The following LRRC69 variants were observed in gnomAD, a reference collection of about 807,000 sequenced individuals.
The protein encoded by LRRC69 is leucine rich repeat containing 69.
LRRC69 carries 42 observed loss-of-function variants against 37.8 expected under a neutral mutation model. That is an observed-to-expected ratio of 1.11 (90% CI 0.87 to 1.44). LRRC69 has a LOEUF of 1.44. LRRC69 is among the 40% of genes most tolerant of loss of function. The probability of loss-of-function intolerance (pLI) is 0.00; values close to 1 mark genes in which losing one functional copy is unlikely to be tolerated. For synonymous variants in LRRC69, 141 were observed against 143.1 expected, an observed-to-expected ratio of 0.99 and a Z score of 0.11; for missense variants, 357 against 401.9, an observed-to-expected ratio of 0.89 and a Z score of 0.96.
intron 1 of LRRC69, 43 bp from the exon 2 acceptor site, chr8:91,124,450 G>T (rs1813683974): frequency 2.1e-6 from 3 of 1,416,966 alleles, no homozygotes; most frequent in Non-Finnish European, 9.3e-7. Flanking sequence ...TTCATTTGAA[G>T]TTGGATGATA....
Position 91,185,323 on chromosome 8 carries a change from G to GTGTC in LRRC69, c.652-4177_652-4174dup, listed in dbSNP as rs1554595214. 5.3e-3 allele frequency among the ~76,000 whole-genome samples: 800 copies of GTGTC among 151,566 alleles called. 3 individuals are homozygous for GTGTC. Among genetic ancestry groups the GTGTC allele is most frequent in the African/African-American group, 0.017 (716 of 41,282 alleles). The stretch of plus-strand genomic sequence containing the variant: ...CCTGACTAGAATGAGGAAGGTCTCA[G>GTGTC]TGTCTGTCTGTCTGTCTGTCTGTCT... On this transcript the variant is annotated intron_variant, in intron 5 of 7. Coordinates refer to ENST00000448384, the Ensembl canonical transcript of LRRC69.
intron 7 of LRRC69, among the ~76,000 whole-genome samples, chr8:91,209,225 G>T (rs187337216): frequency 7.9e-4 from 120 of 152,186 alleles, no homozygotes; most frequent in African/African-American, 2.6e-3. Flanking sequence ...TCAGGAATTT[G>T]AGACCAGCCT....
intron 1 of LRRC69, among the ~76,000 whole-genome samples, chr8:91,106,215 C>T (rs950728869): frequency 6.6e-6 from 1 of 151,898 alleles, no homozygotes; most frequent in African/African-American, 2.4e-5. Context: ...ATAGTCATAC[C>T]GTTTATCAGT....
chr8:91,166,872 A>G (rs1489802367), intron 5 of LRRC69, among the ~76,000 whole-genome samples: 1 of 151,906 alleles, frequency 6.6e-6, no homozygotes. Flanking sequence ...AAACGCTGTT[A>G]TTTAACAAAG....
intron 5 of LRRC69, among the ~76,000 whole-genome samples, chr8:91,138,551 ATT>A (rs34842999): frequency 1.4e-5 from 2 of 145,932 alleles, no homozygotes; most frequent in East Asian, 2.0e-4. Context: ...TCAGAGCAGT[ATT>A]TTTTTTTTTT....
intron 6 of LRRC69, among the ~76,000 whole-genome samples, chr8:91,194,525 T>G (rs1586278657): frequency 6.6e-6 from 1 of 151,466 alleles, no homozygotes; most frequent in South Asian, 2.1e-4. Flanking sequence ...CAATTTCAGA[T>G]CCTGTTATTG....
chr8:91,168,334 C>T (rs530903784), intron 5 of LRRC69, among the ~76,000 whole-genome samples: 1 of 151,784 alleles, frequency 6.6e-6, no homozygotes, highest in South Asian at 2.1e-4. Context: ...ACAAATGTGG[C>T]AGGTGCTGTT....
intron 5 of LRRC69, among the ~76,000 whole-genome samples, chr8:91,143,899 A>G (rs145888190): frequency 2.3e-3 from 352 of 152,104 alleles, no homozygotes; most frequent in African/African-American, 8.2e-3. Context: ...TAGCTTAACA[A>G]TGTACCCATT....
intron 1 of LRRC69, among the ~76,000 whole-genome samples, chr8:91,111,030 A>G (rs1231012676): frequency 6.6e-6 from 1 of 152,112 alleles, no homozygotes; most frequent in East Asian, 1.9e-4. Flanking sequence ...TCATTCAACT[A>G]ATATTTATTG....
chr8:91,117,778 C>T lies in LRRC69; in HGVS notation c.184-6715C>T, dbSNP rs373681014. ...TTAGGCTGCATAATAGAAGTGTTGT[C>T]ATCCGCCAGAGGGAGACCCGTGGTC... On this transcript the variant is annotated intron_variant, in intron 1 of 7. Coordinates refer to ENST00000448384, the Ensembl canonical transcript of LRRC69. Among the ~76,000 whole-genome samples, 137 of 151,742 alleles carry T rather than the reference C, an allele frequency of 9.0e-4. 1 individual carries two copies. Among genetic ancestry groups the T allele is most frequent in the African/African-American group, 3.2e-3 (134 of 41,448 alleles).
In LRRC69 at chr8:91,175,550, CAG is replaced by C. The variant is rs574056533; in HGVS notation, c.652-13969_652-13968del. 3.3e-5 allele frequency among the ~76,000 whole-genome samples: 5 copies of C among 152,060 alleles called. No homozygotes were observed. The South Asian group carries it at 8.3e-4, about 25-fold the overall frequency. The stretch of plus-strand genomic sequence containing the variant: ...CCCTTTTGCGGCTAGGTGATTGAAT[CAG>C]AGTTTGTGGCCAGGCTATATTGGCT... On this transcript the variant is annotated intron_variant, in intron 5 of 7. Coordinates refer to ENST00000448384, the Ensembl canonical transcript of LRRC69.
chr8:91,193,141 A>G (rs1256649596), intron 6 of LRRC69, among the ~76,000 whole-genome samples: 2 of 132,294 alleles, frequency 1.5e-5, no homozygotes, highest in Non-Finnish European at 3.3e-5. Context: ...CAGGTTTGTC[A>G]AAGATCAGAT....
chr8:91,126,503 T>G (rs1271764178), intron 2 of LRRC69, among the ~76,000 whole-genome samples: 2 of 152,078 alleles, frequency 1.3e-5, no homozygotes, highest in African/African-American at 4.8e-5. Context: ...TTAGCAACAC[T>G]GCAGTTGCGT....
At chr8:91,130,333 G>A (rs1813786159) in intron 3 of LRRC69, 1 of 152,114 alleles carries the variant, frequency 6.6e-6, no homozygotes, top group Non-Finnish European at 1.5e-5. Context: ...GGAGTGCAAT[G>A]GCATGATCTC....
At chr8:91,173,131 G>A (rs977692516) in intron 5 of LRRC69, among the ~76,000 whole-genome samples, 2 of 152,060 alleles carry the variant, frequency 1.3e-5, no homozygotes, top group Admixed American at 1.3e-4. Flanking sequence ...GGATGTAGGG[G>A]AAGAGGGTGA....
chr8:91,137,807 C>A (rs1391892721), intron 5 of LRRC69, among the ~76,000 whole-genome samples: 1 of 151,922 alleles, frequency 6.6e-6, no homozygotes, highest in Non-Finnish European at 1.5e-5. Context: ...AAATATGGCA[C>A]AACTGGTGGA....
chr8:91,113,510 T>G (rs1429497415), intron 1 of LRRC69, among the ~76,000 whole-genome samples: 3 of 151,974 alleles, frequency 2.0e-5, no homozygotes, highest in African/African-American at 7.2e-5. Flanking sequence ...GATATCCATA[T>G]GGAAAATAAT....
At chr8:91,154,362 C>T (rs1808795712) in intron 5 of LRRC69, among the ~76,000 whole-genome samples, 1 of 151,834 alleles carries the variant, frequency 6.6e-6, no homozygotes, top group African/African-American at 2.4e-5. Flanking sequence ...GGAGACACTC[C>T]TCCCTAACTC....
intron 6 of LRRC69, among the ~76,000 whole-genome samples, chr8:91,194,470 C>T (rs1212970944): frequency 6.6e-6 from 1 of 151,990 alleles, no homozygotes; most frequent in Non-Finnish European, 1.5e-5. Flanking sequence ...GTGAATCCAT[C>T]TGGTCCTGGA....
Sources: allele counts gnomAD v4.1 joint callset (sites outside exome capture counted in the v4.1 genomes callset), GRCh38; gene constraint gnomAD v4.1.1; transcripts MANE v1.5; gene names NCBI Gene and HGNC (gene_info 2026-07-23, HGNC 2026-07-21).